Variants in SGK3 observed in about 807,000 individuals in gnomAD.
SGK3 encodes the protein serine/threonine-protein kinase Sgk3.
SGK3 carries 47 observed loss-of-function variants against 68.5 expected under a neutral mutation model. The observed-to-expected ratio is 0.69, with a 90% CI of 0.54 to 0.87. The LOEUF is 0.87. Among genes scored for constraint, SGK3 ranks in the 40% least tolerant of loss-of-function variants. The probability of loss-of-function intolerance (pLI) is 0.00; values close to 1 mark genes in which losing one functional copy is unlikely to be tolerated. For missense variants in SGK3, 479 were observed against 575.5 expected (o/e 0.83, Z 1.72); for synonymous variants, 181 against 189.1 (o/e 0.96, Z 0.35).
At chr8:66,828,847 A>G in intron 7 of SGK3, 144 bp downstream of exon 7, 2 of 996,540 alleles carry the variant, frequency 2.0e-6, no homozygotes, top group Admixed American at 2.3e-5. Flanking sequence ...GTGCTGTCAT[A>G]TGCTTGTATG....
At chr8:66,800,253 A>G (rs1340985134) in intron 3 of SGK3, among the ~76,000 whole-genome samples, 1 of 150,624 alleles carries the variant, frequency 6.6e-6, no homozygotes, top group Non-Finnish European at 1.5e-5. Flanking sequence ...AGGCAGGAGA[A>G]TGGCGTGAAC....
At chr8:66,795,444 A>G (rs966604908) in intron 2 of SGK3, among the ~76,000 whole-genome samples, 2 of 152,222 alleles carry the variant, frequency 1.3e-5, no homozygotes, top group African/African-American at 4.8e-5. Context: ...AAAGGTTGAT[A>G]TACCTTGAAT....
chr8:66,840,254 A>G lies in SGK3; in HGVS notation c.891+7A>G. ...TATTCTTTTGGATTCAGTAGTAAGTATTCTCTTTTAAAAATCTACTAGTTC... is the reference window on the plus strand; with the variant it reads ...TATTCTTTTGGATTCAGTAGTAAGTGTTCTCTTTTAAAAATCTACTAGTTC... On this transcript the variant is annotated splice_region_variant and intron_variant, in intron 12 of 16. Coordinates refer to ENST00000521198, the MANE Select transcript of SGK3 (RefSeq NM_001033578.3). The G allele has an allele frequency of 1.3e-6, 2 of 1,565,700 alleles. No homozygotes were observed. The highest frequency in any genetic ancestry group is 1.7e-6 in the Non-Finnish European group (2 of 1,159,824).
intron 7 of SGK3, among the ~76,000 whole-genome samples, chr8:66,830,134 G>A (rs1023582084): frequency 6.6e-6 from 1 of 152,118 alleles, no homozygotes; most frequent in Non-Finnish European, 1.5e-5. Flanking sequence ...GGGATTACAG[G>A]CATGAGCCAC....
At chr8:66,740,864 G>T (rs1180929554) in intron 1 of SGK3, among the ~76,000 whole-genome samples, 1 of 139,242 alleles carries the variant, frequency 7.2e-6, no homozygotes, top group East Asian at 2.1e-4. Flanking sequence ...CCGAGATTGC[G>T]CCACTGCACT....
rs1806875343 is a variant in SGK3, at chr8:66,779,567, TATATA to T, written c.-121-14048_-121-14044del. Among the ~76,000 whole-genome samples the T allele has an allele frequency of 2.0e-4, 17 of 85,940 alleles. No homozygotes were observed. In the South Asian group the frequency reaches 5.8e-3, roughly 29 times the overall value. The allele number at this position is 85,940 out of a possible 152,430, so 56.4% of individuals were successfully genotyped here. On this transcript the variant is annotated intron_variant, in intron 1 of 16. Transcript: ENST00000521198. ...ATGTATATGTATGTGTGTGAATATA[TATATA>T]TATATATATATATATATATATATAT... is the stretch of plus-strand genomic sequence containing the variant.
At chr8:66,793,528 C>T (rs764321286) in intron 1 of SGK3, 88 bp from the exon 2 acceptor site, 14 of 426,964 alleles carry the variant, frequency 3.3e-5, no homozygotes, top group South Asian at 2.1e-4. Flanking sequence ...TCAGAATAAA[C>T]GAAAATTAGT....
chr8:66,761,799 G>GA (rs1057378515), intron 1 of SGK3, among the ~76,000 whole-genome samples: 2 of 151,684 alleles, frequency 1.3e-5, no homozygotes, highest in East Asian at 1.9e-4. Flanking sequence ...TGTTTTAAAA[G>GA]AAAAAAACCC....
rs1362380954 is a variant in SGK3 at position 66,840,065 on chromosome 8, T to A, written c.804T>A (p.Ala268=). The A allele has an allele frequency of 6.2e-7, 1 of 1,614,002 alleles. No homozygotes were observed. The highest frequency in any genetic ancestry group is 1.1e-5 in the South Asian group (1 of 91,080). The change falls in exon 11 of 17, where the codon GCT becomes GCA. Residue 268 remains alanine, a synonymous_variant. Transcript: ENST00000521198. ...FPEHRARFYA[A]EIASALGYLH... Reference sequence around the variant, plus strand: ...AGCACAGAGCTAGGTTTTACGCTGCTGAAATTGCTAGTGCATTGGGTTACT... The same window carrying A: ...AGCACAGAGCTAGGTTTTACGCTGCAGAAATTGCTAGTGCATTGGGTTACT...
rs1357035961 is a variant in SGK3, at chr8:66,804,393, G to T, written c.199G>T (p.Ala67Ser). ...LYNTLKKQFPAMALKIPAKRI... is the reference protein window; with the variant it reads ...LYNTLKKQFPSMALKIPAKRI... ...ATTTTAGTTAAAAAAACAGTTTCCT[G>T]CTATGGCCCTGAAGATTCCTGCCAA... The change falls in exon 4 of 17, where the codon GCT becomes TCT. Residue 67 changes from alanine (A) to serine (S), a missense_variant. By Grantham distance (99) the Ala-to-Ser change is moderately conservative. Around this residue, in one of 3 missense-constraint regions of SGK3, gnomAD observed 298 missense variants for 329.4 expected, o/e 0.90. Transcript: ENST00000521198. The T allele has an allele frequency of 9.9e-6, 16 of 1,610,762 alleles. No homozygotes were observed. The highest frequency in any genetic ancestry group is 2.7e-5 in the African/African-American group (2 of 74,822).
chr8:66,762,059 C>G (rs1470390176), intron 1 of SGK3, among the ~76,000 whole-genome samples: 2 of 152,130 alleles, frequency 1.3e-5, no homozygotes, highest in African/African-American at 2.4e-5. Flanking sequence ...AAGTCTCGCT[C>G]TTGTCCCCCA....
intron 6 of SGK3, among the ~76,000 whole-genome samples, chr8:66,823,468 G>A (rs895071218): frequency 6.6e-6 from 1 of 151,240 alleles, no homozygotes; most frequent in Non-Finnish European, 1.5e-5. Context: ...CGTGATCTTG[G>A]CTCACTGCAA....
chr8:66,840,941 C>CAAAAA, intron 12 of SGK3, 83 bp from the exon 13 acceptor site: 3 of 764,772 alleles, frequency 3.9e-6, no homozygotes, highest in Non-Finnish European at 3.6e-6. Context: ...GACTCTGTTT[C>CAAAAA]AAAAAAAAAA....
chr8:66,787,200 C>A (rs1195392711), intron 1 of SGK3, among the ~76,000 whole-genome samples: 1 of 152,148 alleles, frequency 6.6e-6, no homozygotes, highest in Middle Eastern at 3.4e-3. Context: ...CCTCAGCCTC[C>A]GAAAGTGCTG....
At chr8:66,744,502 TATATATATA>T (rs1455054778) in intron 1 of SGK3, among the ~76,000 whole-genome samples, 4 of 34,166 alleles carry the variant, frequency 1.2e-4, no homozygotes, top group African/African-American at 2.3e-4. Flanking sequence ...TATATATATA[TATATATATA>T]TATATATATT....
chr8:66,859,814 A>T lies in SGK3; in HGVS notation c.*233A>T. The T allele has an allele frequency of 2.3e-6, 1 of 426,478 alleles. No homozygotes were observed. The highest frequency in any genetic ancestry group is 3.9e-6 in the Non-Finnish European group (1 of 258,746). The allele number at this position is 426,478 out of a possible 1,614,324, so 26.4% of individuals were successfully genotyped here. On this transcript the variant is annotated 3_prime_UTR_variant, in exon 17 of 17. Transcript: ENST00000521198. ...TAATAAGCTTATTTTTAAACAATTT[A>T]AAAGCTATTATTCTTAGCATTAACC...
At chr8:66,766,910 G>A (rs1440758588) in intron 1 of SGK3, among the ~76,000 whole-genome samples, 1 of 152,170 alleles carries the variant, frequency 6.6e-6, no homozygotes, top group African/African-American at 2.4e-5. Context: ...GGAGTGCAGT[G>A]GCGCGATCTC....
chr8:66,803,478 A>G (rs1808033539), intron 3 of SGK3, among the ~76,000 whole-genome samples: 2 of 116,860 alleles, frequency 1.7e-5, no homozygotes, highest in Non-Finnish European at 3.2e-5. Context: ...TACAGGCCTC[A>G]GTGAGCTACT....
intron 1 of SGK3, among the ~76,000 whole-genome samples, chr8:66,726,815 A>C (rs1257557562): frequency 6.6e-6 from 1 of 151,208 alleles, no homozygotes; most frequent in Non-Finnish European, 1.5e-5. Context: ...AAAAAAAAAA[A>C]AAAAAAAAGA....
Sources: gnomAD v4.1 joint callset for allele counts (sites outside exome capture counted in the v4.1 genomes callset) on GRCh38, gnomAD v4.1.1 for gene constraint, gnomAD v4.1.1 regional missense constraint, MANE v1.5 for transcripts, NCBI Gene and HGNC (gene_info 2026-07-23, HGNC 2026-07-21) for gene names.